Variants in TTN observed in about 807,000 individuals in gnomAD.
TTN encodes connectin.
TTN carries 1,525 observed loss-of-function variants against 3,223.0 expected under a neutral mutation model. The observed-to-expected ratio is 0.47, with a 90% confidence interval of 0.45 to 0.49. The LOEUF (loss-of-function observed/expected upper bound fraction) is 0.49, where lower values mean the gene tolerates loss of function less well. TTN is among the 20% of genes least tolerant of loss of function. The probability of loss-of-function intolerance (pLI) is 0.00; values close to 1 mark genes in which losing one functional copy is unlikely to be tolerated. For synonymous variants in TTN, 14,094 were observed against 15,161.0 expected (o/e 0.93, Z 5.17); for missense variants, 40,786 against 43,424.0 (o/e 0.94, Z 5.40).
At chr2:178,595,468 A>C in intron 295 of TTN, 39 bp downstream of exon 295, 1 of 1,528,632 alleles carries the variant, frequency 6.5e-7, no homozygotes, top group Non-Finnish European at 8.8e-7. Flanking sequence ...TAAATGAGTA[A>C]AGAAGTGATT....
At position 178,651,831 on chromosome 2, in the gene TTN, G is replaced by A. The variant is rs930561609; in HGVS notation, c.39379+53C>T. 9.4e-6 allele frequency: 15 copies of A among 1,600,566 alleles called. 1 individual carries two copies. Among genetic ancestry groups the A allele is most frequent in the Middle Eastern group, 1.7e-4 (1 of 6,030 alleles). On this transcript the variant is annotated intron_variant, in intron 205 of 362. Transcript: ENST00000589042. ...GCTCAGAGCACCCAGAATTATCAGG[G>A]CAGGAAGGGGAAAGAGTGGCCGAGG...
At chr2:178,744,660 C>T in intron 47 of TTN, 1 of 955,148 alleles carries the variant, frequency 1.0e-6, no homozygotes, top group Non-Finnish European at 1.2e-6. Flanking sequence ...TACAAATTAC[C>T]ATATTGTCTC....
At position 178,594,649 on chromosome 2, in the gene TTN, G is replaced by A. The variant is rs775300057; in HGVS notation, c.57848-3C>T. 2.5e-6 allele frequency: 4 copies of A among 1,587,210 alleles called. No homozygotes were observed. The highest frequency in any genetic ancestry group is 1.2e-5 in the South Asian group (1 of 86,750). ...GTCTTCAGGACGCTCTGGTACAGCTGCGAATATAAGTATAGGAATTGTGGT... is the reference window on the plus strand; with the variant it reads ...GTCTTCAGGACGCTCTGGTACAGCTACGAATATAAGTATAGGAATTGTGGT... On this transcript the variant is annotated splice_region_variant and splice_polypyrimidine_tract_variant and intron_variant, in intron 295 of 362. Coordinates refer to ENST00000589042, the MANE Select transcript of TTN (RefSeq NM_001267550.2).
chr2:178,682,270 C>T (rs1321234321), intron 135 of TTN, among the ~76,000 whole-genome samples: 1 of 151,936 alleles, frequency 6.6e-6, no homozygotes, highest in African/African-American at 2.4e-5. Context: ...ATAATGGGAA[C>T]CCTGTGGGTA....
Position 178,545,423 on chromosome 2 carries a change from T to A in TTN, c.95687A>T (p.Glu31896Val), listed in dbSNP as rs774355988. Residue 31896 changes from glutamate (E) to valine (V), a missense_variant, in exon 344 of 363, where the codon GAA (glutamate) becomes GTA (valine). Coordinates refer to ENST00000589042, the MANE Select transcript of TTN (RefSeq NM_001267550.2). ...VNAAGNSEPS[E>V]ASNFISCREP... is the part of the protein sequence containing the mutation. ...TCTGCATGAGATGAAGTTGGAAGCT[T>A]CGCTGGGCTCACTGTTACCAGCTGC... 1.8e-5 allele frequency: 29 copies of A among 1,598,706 alleles called. 1 individual carries two copies. In the South Asian group the frequency reaches 3.1e-4, roughly 17 times the overall value.
chr2:178,735,727 G>A lies in TTN; in HGVS notation c.14719C>T (p.Leu4907Phe). 1 of 1,613,800 alleles carries A rather than the reference G, an allele frequency of 6.2e-7. No individual in the cohort carries two copies. The highest frequency in any genetic ancestry group is 2.2e-5 in the East Asian group (1 of 44,832). Residue 4907 changes from leucine (L) to phenylalanine (F), a missense_variant, in exon 50 of 363, where the codon CTT becomes TTT. Transcript: ENST00000589042. ...VQSAINKKVH[L>F]ECQVDEDRKV... Reference sequence around the variant, plus strand: ...CTGTCTTCATCTACTTGGCACTCAAGGTGGACCTTCTTATTGATAGCGGAC... The same window carrying A: ...CTGTCTTCATCTACTTGGCACTCAAAGTGGACCTTCTTATTGATAGCGGAC...
At position 178,773,255 on chromosome 2, in the gene TTN, T is replaced by A; in HGVS notation, c.7709A>T (p.Lys2570Met). Residue 2570 changes from lysine (K) to methionine (M), a missense_variant, in exon 33 of 363, where the codon AAG (lysine) becomes ATG (methionine). Transcript: ENST00000589042. ...GIDVLWNFKD[K>M]EIKPSSKYKI... Reference sequence around the variant, plus strand: ...ATATTTAGAACTGGGCTTGATTTCCTTGTCCTTAAAATTCCACAGGACATC... The same window carrying A: ...ATATTTAGAACTGGGCTTGATTTCCATGTCCTTAAAATTCCACAGGACATC... 1 of 1,613,962 alleles carries A rather than the reference T, an allele frequency of 6.2e-7. No homozygotes were observed. Among genetic ancestry groups the A allele is most frequent in the African/African-American group, 1.3e-5 (1 of 75,048 alleles).
intron 257 of TTN, among the ~76,000 whole-genome samples, chr2:178,615,998 C>T (rs1330158203): frequency 5.9e-5 from 9 of 151,808 alleles, no homozygotes; most frequent in Admixed American, 5.3e-4. Context: ...AGTTTGTACA[C>T]ATGAAAAAAG....
rs2091296407 is a variant in TTN at position 178,770,447 on chromosome 2, C to G, written c.8345G>C (p.Gly2782Ala). ...VDESVYGFRL[G>A]RLGASARLHV... ...CAGTCTGGCACTGGCTCCAAGCCTT[C>G]CAAGCCTGAAGCCATAAACAGACTC... The change falls in exon 35 of 363, where the codon GGA (glycine) becomes GCA (alanine). Residue 2782 changes from glycine to alanine, a missense_variant. Transcript: ENST00000589042. 1.2e-6 allele frequency: 2 copies of G among 1,614,146 alleles called. No individual in the cohort carries two copies. Among genetic ancestry groups the G allele is most frequent in the Admixed American group, 3.3e-5 (2 of 60,014 alleles).
At position 178,526,997 on chromosome 2, in the gene TTN, A is replaced by T. The variant is rs1686675364; in HGVS notation, c.*15T>A. The T allele has an allele frequency of 6.3e-7, 1 of 1,596,684 alleles. No individual in the cohort carries two copies. Among genetic ancestry groups the T allele is most frequent in the African/African-American group, 1.3e-5 (1 of 74,652 alleles). On this transcript the variant is annotated 3_prime_UTR_variant, in exon 363 of 363. Transcript: ENST00000589042. Reference sequence around the variant, plus strand: ...AAGTTAAGAATGAGTGTAGAGTATAAGGGCACAGGCCCTCTTAAATGGATC... The same window carrying T: ...AAGTTAAGAATGAGTGTAGAGTATATGGGCACAGGCCCTCTTAAATGGATC...
intron 4 of TTN, 25 bp downstream of exon 4, chr2:178,800,370 C>G (rs1209545705): frequency 6.2e-6 from 10 of 1,613,938 alleles, no homozygotes; most frequent in Non-Finnish European, 8.5e-7. Context: ...CCCCTTCTCT[C>G]TGTTCCTCAA....
rs1553489404 is a variant in TTN, at chr2:178,532,527, TG to T, written c.104087del (p.Pro34696GlnfsTer51). ...ELELGFSASP[P>X]SRSPPHFELS... ...GCTCAAAGTGTGGAGGGCTTCGACT[TG>T]GGGGTGAAGCTGAAAAACCTAACTC... On this transcript the variant is annotated frameshift_variant, in exon 358 of 363. Transcript: ENST00000589042. LOFTEE classifies it high-confidence loss of function. 1.2e-6 allele frequency: 2 copies of T among 1,613,776 alleles called. No individual in the cohort carries two copies. Among genetic ancestry groups the T allele is most frequent in the African/African-American group, 2.7e-5 (2 of 74,880 alleles).
intron 314 of TTN, 21 bp downstream of exon 314, chr2:178,582,275 A>C: frequency 6.3e-7 from 1 of 1,575,730 alleles, no homozygotes; most frequent in Non-Finnish European, 8.6e-7. Flanking sequence ...AAAATGAAAA[A>C]CCACCGGGAA....
rs191263181 is a variant in TTN at position 178,567,686 on chromosome 2, G to C, written c.78446C>G (p.Thr26149Ser). The change falls in exon 326 of 363, where the codon ACT becomes AGT. Residue 26149 changes from threonine to serine, a missense_variant. Coordinates refer to ENST00000589042, the MANE Select transcript of TTN (RefSeq NM_001267550.2). ...TTGATCTTCAGTAAGACCTGACACA[G>C]TAAATTGAGTTTCAATGACATTTGT... ...SFTNVIETQF[T>S]VSGLTEDQRY... 4.4e-5 allele frequency: 71 copies of C among 1,612,068 alleles called. No individual in the cohort carries two copies. In the African/African-American group the frequency reaches 7.9e-4, roughly 18 times the overall value.
chr2:178,751,914 T>C lies in TTN; in HGVS notation c.11311+1210A>G, dbSNP rs776320104. 213 of 1,590,958 alleles carry C rather than the reference T, an allele frequency of 1.3e-4. No individual in the cohort carries two copies. The highest frequency in any genetic ancestry group is 1.8e-4 in the Non-Finnish European group (209 of 1,172,050). On this transcript the variant is annotated intron_variant, in intron 47 of 362. Transcript: ENST00000589042. The stretch of plus-strand genomic sequence containing the variant: ...GGCTTAAAATATTCAGGCCAGGAGC[T>C]TGTAGATGATATTCTACTTGCATAT...
At position 178,705,300 on chromosome 2, in the gene TTN, A is replaced by C. The variant is rs755607924; in HGVS notation, c.29478T>G (p.Leu9826=). 2 of 1,612,238 alleles carry C rather than the reference A, an allele frequency of 1.2e-6. No homozygotes were observed. Among genetic ancestry groups the C allele is most frequent in the East Asian group, 2.2e-5 (1 of 44,846 alleles). The part of the protein sequence containing the change: ...GEEEEIDIME[L]LKNVDPKEYE... ...ATTCTTTAGGATCAACATTTTTGAGAAGTTCCATGATATCAATTTCCTCTT... is the reference window on the plus strand; with the variant it reads ...ATTCTTTAGGATCAACATTTTTGAGCAGTTCCATGATATCAATTTCCTCTT... The change falls in exon 103 of 363, where the codon CTT becomes CTG. Residue 9826 remains leucine, a synonymous_variant. Coordinates refer to ENST00000589042, the MANE Select transcript of TTN (RefSeq NM_001267550.2).
chr2:178,584,658 CA>C lies in TTN; in HGVS notation c.64972+10del, dbSNP rs770999001. ...AGAAAACAACTTTTTTTCTCCTTCA[CA>C]AAAACATACCAAATGGGAACTGCGC... On this transcript the variant is annotated intron_variant, in intron 310 of 362. Transcript: ENST00000589042. 3.1e-6 allele frequency: 5 copies of C among 1,610,986 alleles called. No individual in the cohort carries two copies. The highest frequency in any genetic ancestry group is 4.2e-6 in the Non-Finnish European group (5 of 1,179,034).
chr2:178,604,160 A>G lies in TTN; in HGVS notation c.54527T>C (p.Leu18176Ser). 1.2e-6 allele frequency: 2 copies of G among 1,612,264 alleles called. No homozygotes were observed. The highest frequency in any genetic ancestry group is 1.7e-6 in the Non-Finnish European group (2 of 1,178,924). ...LPGPPGKPKVLARTKGSMLVS... is the reference protein window; with the variant it reads ...LPGPPGKPKVSARTKGSMLVS... ...TAGCATTGATCCTTTGGTGCGTGCC[A>G]AAACTTTTGGTTTTCCTGGAGGTCC... is the stretch of plus-strand genomic sequence containing the variant. Residue 18176 changes from leucine (L) to serine (S), a missense_variant, in exon 282 of 363, where the codon TTG (leucine) becomes TCG (serine). Coordinates refer to ENST00000589042, the MANE Select transcript of TTN (RefSeq NM_001267550.2).
In TTN at chr2:178,592,652, CAG is replaced by C. The variant is rs886039027; in HGVS notation, c.59351_59352del (p.Pro19784ArgfsTer5). Reference protein sequence around the residue: ...PVLVKDRLEPPELILDANMAR... With the variant: ...PVLVKDRLEPXELILDANMAR... Reference sequence around the variant, plus strand: ...GCCATGTTGGCATCAAGAATCAACTCAGGGGGTTCTAGAATAAAGAGAACAGA... The same window carrying C: ...GCCATGTTGGCATCAAGAATCAACTCGGGGTTCTAGAATAAAGAGAACAGA... On this transcript the variant is annotated frameshift_variant, in exon 301 of 363. Coordinates refer to ENST00000589042, the MANE Select transcript of TTN (RefSeq NM_001267550.2). LOFTEE classifies it high-confidence loss of function. 2.5e-6 allele frequency: 4 copies of C among 1,612,888 alleles called. No individual in the cohort carries two copies. Among genetic ancestry groups the C allele is most frequent in the South Asian group, 1.1e-5 (1 of 91,010 alleles).
Sources: gnomAD v4.1 joint callset for allele counts (sites outside exome capture counted in the v4.1 genomes callset) on GRCh38, gnomAD v4.1.1 for gene constraint, MANE v1.5 for transcripts, NCBI Gene and HGNC (gene_info 2026-07-23, HGNC 2026-07-21) for gene names.